The following TYW1 variants were observed in gnomAD, a reference collection of about 807,000 sequenced individuals.
TYW1 encodes tRNA-yW synthesizing protein 1 homolog, also known as S-adenosyl-L-methionine-dependent tRNA 4-demethylwyosine synthase TYW1.
TYW1 carries 46 observed loss-of-function variants against 96.2 expected under a neutral mutation model. That is an observed-to-expected ratio of 0.48 (90% CI 0.38 to 0.61). The LOEUF (loss-of-function observed/expected upper bound fraction) is 0.61, where lower values mean the gene tolerates loss of function less well. Ranked by LOEUF, TYW1 falls within the 20% of genes least tolerant of loss-of-function variation. TYW1 has a pLI of 0.00. For missense variants in TYW1, 684 were observed against 909.6 expected (o/e 0.75, Z 3.19); for synonymous variants, 274 against 323.0 (o/e 0.85, Z 1.63).
At chr7:67,131,085 T>C (rs1180052370) in intron 13 of TYW1, among the ~76,000 whole-genome samples, 1 of 151,988 alleles carries the variant, frequency 6.6e-6, no homozygotes, top group Non-Finnish European at 1.5e-5. Context: ...TATTCTGTTA[T>C]TTCCCAACAA....
rs561734480 is a variant in TYW1, at chr7:67,068,320, C to T, written c.1274+917C>T. ...TACAGGCGTGAGCCACCGCACCCAG[C>T]CTACTAACCCATTTCTTTCCTTCAC... On this transcript the variant is annotated intron_variant, in intron 10 of 15. Coordinates refer to ENST00000359626, the MANE Select transcript of TYW1 (RefSeq NM_018264.4). Among the ~76,000 whole-genome samples, 4 of 152,330 alleles carry T rather than the reference C, an allele frequency of 2.6e-5. No homozygotes were observed. In the South Asian group the frequency reaches 8.3e-4, roughly 32 times the overall value.
chr7:67,024,010 A>G (rs1223118703), intron 6 of TYW1, among the ~76,000 whole-genome samples: 1 of 152,044 alleles, frequency 6.6e-6, no homozygotes, highest in Non-Finnish European at 1.5e-5. Context: ...TACTCAGCAA[A>G]TGTGTCTTCC....
At chr7:67,228,506 C>T (rs2949131) in intron 15 of TYW1, among the ~76,000 whole-genome samples, 1 of 152,304 alleles carries the variant, frequency 6.6e-6, no homozygotes, top group Non-Finnish European at 1.5e-5. Flanking sequence ...ACAGCCAAAC[C>T]ATATCAAGCA....
intron 13 of TYW1, among the ~76,000 whole-genome samples, chr7:67,174,360 A>G (rs552048508): frequency 6.6e-6 from 1 of 151,800 alleles, no homozygotes; most frequent in South Asian, 2.1e-4. Context: ...CAAAAGAGCA[A>G]CAATAGGCCA....
chr7:67,183,481 C>G (rs7781804), intron 14 of TYW1, among the ~76,000 whole-genome samples: 41,984 of 151,204 alleles, frequency 0.28, 6,124 homozygotes, highest in African/African-American at 0.39. Context: ...ATGGACAGTC[C>G]ACACAAAGTG....
intron 7 of TYW1, among the ~76,000 whole-genome samples, chr7:67,034,294 CGG>C (rs984284555): frequency 4.6e-5 from 7 of 151,670 alleles, no homozygotes; most frequent in African/African-American, 1.7e-4. Context: ...TTAGTACAGA[CGG>C]GGTTTTGCCA....
chr7:67,009,647 T>G lies in TYW1; in HGVS notation c.338T>G (p.Leu113Arg). Residue 113 changes from leucine (L) to arginine (R), a missense_variant, in exon 4 of 16, where the codon CTA (leucine) becomes CGA (arginine). Transcript: ENST00000359626. ...SLDLPVAIIN[L>R]KEYDPDDHLI... Reference sequence around the variant, plus strand: ...GATCTGCCTGTGGCCATTATTAATCTAAAAGAATATGATCCAGATGATCAT... The same window carrying G: ...GATCTGCCTGTGGCCATTATTAATCGAAAAGAATATGATCCAGATGATCAT... 1 of 1,611,936 alleles carries G rather than the reference T, an allele frequency of 6.2e-7. No individual in the cohort carries two copies. The highest frequency in any genetic ancestry group is 8.5e-7 in the Non-Finnish European group (1 of 1,179,592).
chr7:67,065,640 CTT>C (rs74272581), intron 9 of TYW1, among the ~76,000 whole-genome samples: 29 of 143,986 alleles, frequency 2.0e-4, no homozygotes, highest in African/African-American at 6.1e-4. Context: ...GACAGGGAAA[CTT>C]TTTTTTTTTT....
At chr7:67,120,060 T>G (rs1168684831) in intron 13 of TYW1, among the ~76,000 whole-genome samples, 2 of 149,046 alleles carry the variant, frequency 1.3e-5, no homozygotes, top group Non-Finnish European at 3.0e-5. Flanking sequence ...GCTCCAGGCC[T>G]GATAAATGTT....
chr7:67,073,483 G>A (rs1796099010), intron 10 of TYW1, among the ~76,000 whole-genome samples: 2 of 152,126 alleles, frequency 1.3e-5, no homozygotes, highest in South Asian at 4.1e-4. Context: ...GAAATAGAAT[G>A]TGACCAGGCC....
chr7:67,111,208 C>CTT (rs886800294), intron 12 of TYW1, among the ~76,000 whole-genome samples: 1 of 147,110 alleles, frequency 6.8e-6, no homozygotes, highest in African/African-American at 2.5e-5. Context: ...TTTTCTTATC[C>CTT]TTTTTTTTTT....
In TYW1 at chr7:67,112,100, C is replaced by CAAAAA. The variant is rs538839042; in HGVS notation, c.1563-5364_1563-5360dup. Among the ~76,000 whole-genome samples the CAAAAA allele has an allele frequency of 8.8e-4, 83 of 94,678 alleles. 1 individual carries two copies. Among genetic ancestry groups the CAAAAA allele is most frequent in the Non-Finnish European group, 9.9e-4 (47 of 47,654 alleles). The allele number at this position is 94,678 out of a possible 152,430, so 62.1% of individuals were successfully genotyped here. ...GGTGACAGAGCGAGACTCTGTCTGA[C>CAAAAA]AAAAAAAAAAAAAAAAAAAAAAAGA... On this transcript the variant is annotated intron_variant, in intron 12 of 15. Transcript: ENST00000359626.
intron 12 of TYW1, among the ~76,000 whole-genome samples, chr7:67,099,019 T>TTTA (rs1323020472): frequency 1.4e-5 from 2 of 144,226 alleles, no homozygotes; most frequent in Admixed American, 6.8e-5. Flanking sequence ...TTTATTTTAT[T>TTTA]TTATTATTAT....
chr7:67,145,429 G>A (rs570585610), intron 13 of TYW1, among the ~76,000 whole-genome samples: 31 of 152,266 alleles, frequency 2.0e-4, no homozygotes, highest in African/African-American at 6.5e-4. Context: ...GATTACAGGC[G>A]TGAGCCACCG....
At chr7:67,025,116 A>G (rs1209106080) in intron 7 of TYW1, 94 bp downstream of exon 7, 56 of 1,529,274 alleles carry the variant, frequency 3.7e-5, no homozygotes, top group Non-Finnish European at 4.8e-5. Flanking sequence ...GAGCTCACAG[A>G]GGAGTTTCAT....
In TYW1 at chr7:67,183,248, C is replaced by T; in HGVS notation, c.1809+12C>T. On this transcript the variant is annotated intron_variant, in intron 14 of 15. Coordinates refer to ENST00000359626, the MANE Select transcript of TYW1 (RefSeq NM_018264.4). ...TCATCGAAGTGAAGGTAAGCCCCTGCTGACTCTGGTGGCTGTGGTGGAGTG... is the reference window on the plus strand; with the variant it reads ...TCATCGAAGTGAAGGTAAGCCCCTGTTGACTCTGGTGGCTGTGGTGGAGTG... The T allele has an allele frequency of 6.3e-7, 1 of 1,591,602 alleles. No individual in the cohort carries two copies. Among genetic ancestry groups the T allele is most frequent in the African/African-American group, 1.3e-5 (1 of 74,216 alleles).
chr7:67,101,418 G>T (rs371629200), intron 12 of TYW1, among the ~76,000 whole-genome samples: 1 of 152,102 alleles, frequency 6.6e-6, no homozygotes, highest in African/African-American at 2.4e-5. Context: ...CTCTGTCAAA[G>T]ATGTGAAAAA....
At chr7:67,145,251 C>G (rs111883031) in intron 13 of TYW1, among the ~76,000 whole-genome samples, 14,387 of 148,746 alleles carry the variant, frequency 0.097, 784 homozygotes, top group Middle Eastern at 0.15. Context: ...CAGGTTCATG[C>G]CATTCTCCTG....
chr7:67,219,943 G>A (rs1801330516), intron 15 of TYW1, among the ~76,000 whole-genome samples: 1 of 143,598 alleles, frequency 7.0e-6, no homozygotes, highest in Non-Finnish European at 1.5e-5. Flanking sequence ...CCTGTTTTTA[G>A]TTCCTGAAGT....
Sources: gnomAD v4.1 joint callset for allele counts (sites outside exome capture counted in the v4.1 genomes callset) on GRCh38, gnomAD v4.1.1 for gene constraint, MANE v1.5 for transcripts, NCBI Gene and HGNC (gene_info 2026-07-23, HGNC 2026-07-21) for gene names.